The following ZMYND11 variants were observed in gnomAD, a reference collection of about 807,000 sequenced individuals.
The protein encoded by ZMYND11 is zinc finger MYND-type containing 11.
Under a neutral mutation model 84.9 loss-of-function variants are expected in ZMYND11, and 9 were observed. The ratio of observed to expected loss-of-function variants is 0.11; its 90% CI spans 0.06 to 0.18. ZMYND11 has a LOEUF of 0.18. Among genes scored for constraint, ZMYND11 ranks in the 10% least tolerant of loss-of-function variants. The pLI is 1.00. For missense variants in ZMYND11, 409 were observed against 761.0 expected (o/e 0.54, Z 5.44); for synonymous variants, 250 against 244.1 (o/e 1.02, Z -0.23).
chr10:248,454 G>A lies in ZMYND11; in HGVS notation c.1346G>A (p.Arg449Lys), dbSNP rs1026875942. 2 of 1,614,088 alleles carry A rather than the reference G, an allele frequency of 1.2e-6. No homozygotes were observed. Among genetic ancestry groups the A allele is most frequent in the African/African-American group, 2.7e-5 (2 of 74,920 alleles). ...AAGAAGTTAAGTGCCTCTTCACCAA[G>A]AATGCTGCATCGGAGCACCCAGACC... ...QTKKLSASSPRMLHRSTQTTN... is the reference protein window; with the variant it reads ...QTKKLSASSPKMLHRSTQTTN... The change falls in exon 13 of 15, where the codon AGA (arginine) becomes AAA (lysine). Residue 449 changes from arginine to lysine, a missense_variant. This residue lies in a region of ZMYND11 where 141 missense variants were observed against 173.8 expected (regional missense o/e 0.81). Transcript: ENST00000381604.
intron 4 of ZMYND11, among the ~76,000 whole-genome samples, chr10:222,527 ATGTC>A (rs1220986044): frequency 2.6e-5 from 4 of 152,206 alleles, no homozygotes; most frequent in African/African-American, 9.7e-5. Flanking sequence ...GTCTACAAGA[ATGTC>A]TGTAAGAAAT....
At chr10:140,855 A>G (rs4880809) in intron 1 of ZMYND11, among the ~76,000 whole-genome samples, 104,146 of 152,152 alleles carry the variant, frequency 0.68, 35,816 homozygotes, top group East Asian at 0.83. Context: ...AATGTTGGTA[A>G]CATCTGCAAA....
At chr10:215,497 A>G (rs1946034392) in intron 3 of ZMYND11, among the ~76,000 whole-genome samples, 1 of 151,952 alleles carries the variant, frequency 6.6e-6, no homozygotes, top group Non-Finnish European at 1.5e-5. Flanking sequence ...TTGTGACTCA[A>G]GAGCAACTGC....
chr10:253,686 T>C lies in ZMYND11; in HGVS notation c.*1216T>C, dbSNP rs1399085548. The C allele has an allele frequency of 6.5e-6, 1 of 152,672 alleles. No individual in the cohort carries two copies. Among genetic ancestry groups the C allele is most frequent in the Non-Finnish European group, 1.5e-5 (1 of 68,040 alleles). The allele number at this position is 152,672 out of a possible 1,614,324, so 9.5% of individuals were successfully genotyped here. On this transcript the variant is annotated 3_prime_UTR_variant, in exon 15 of 15. Coordinates refer to ENST00000381604, the MANE Select transcript of ZMYND11 (RefSeq NM_001370100.5). Reference sequence around the variant, plus strand: ...TTAAAATATCTCACAATTTATGTGGTATTTTTAAAGACTGATCTTAGACCA... The same window carrying C: ...TTAAAATATCTCACAATTTATGTGGCATTTTTAAAGACTGATCTTAGACCA...
At chr10:235,009 T>TGA (rs1554786733) in intron 4 of ZMYND11, among the ~76,000 whole-genome samples, 3 of 151,552 alleles carry the variant, frequency 2.0e-5, no homozygotes, top group African/African-American at 7.3e-5. Flanking sequence ...TGTGTGTGTG[T>TGA]GAAAAGCACT....
rs558585931 is a variant in ZMYND11 at position 156,865 on chromosome 10, ATTAC to A, written c.-20+21311_-20+21314del. Among the ~76,000 whole-genome samples, 846 of 152,294 alleles carry A rather than the reference ATTAC, an allele frequency of 5.6e-3. 5 individuals carry two copies. Among genetic ancestry groups the A allele is most frequent in the Non-Finnish European group, 9.7e-3 (662 of 68,026 alleles). ...AAATACAAACAAAAAATACCTTTCT[ATTAC>A]TTACCTATTTTCAATGATCTAGGCA... is the stretch of plus-strand genomic sequence containing the variant. On this transcript the variant is annotated intron_variant, in intron 1 of 14. Coordinates refer to ENST00000381604, the MANE Select transcript of ZMYND11 (RefSeq NM_001370100.5).
intron 4 of ZMYND11, among the ~76,000 whole-genome samples, chr10:224,549 T>TA (rs940974008): frequency 6.6e-6 from 1 of 152,236 alleles, no homozygotes; most frequent in African/African-American, 2.4e-5. Context: ...AAATTTGCTA[T>TA]AAAAAATTCA....
intron 1 of ZMYND11, among the ~76,000 whole-genome samples, chr10:144,153 TTCTC>T (rs1385423012): frequency 2.6e-5 from 4 of 152,200 alleles, no homozygotes; most frequent in Non-Finnish European, 4.4e-5. Context: ...AAGTTAGACT[TTCTC>T]TCTGCTCATG....
chr10:242,423 C>G (rs931142101), intron 10 of ZMYND11, among the ~76,000 whole-genome samples: 3 of 152,098 alleles, frequency 2.0e-5, no homozygotes, highest in African/African-American at 7.2e-5. Flanking sequence ...CAGAATGTGT[C>G]CATTCCATAA....
chr10:145,530 T>G (rs1838615083), intron 1 of ZMYND11, among the ~76,000 whole-genome samples: 1 of 152,192 alleles, frequency 6.6e-6, no homozygotes. Flanking sequence ...GTAAGCATTC[T>G]CTTTTCTCCG....
upstream of ZMYND11, among the ~76,000 whole-genome samples, chr10:130,987 T>C (rs1039953595): frequency 6.6e-4 from 101 of 152,060 alleles, no homozygotes; most frequent in African/African-American, 2.3e-3. Flanking sequence ...CACGGTGGCA[T>C]GCACCTGTGG....
At chr10:218,033 C>T (rs752420277) in intron 3 of ZMYND11, among the ~76,000 whole-genome samples, 14 of 152,170 alleles carry the variant, frequency 9.2e-5, no homozygotes, top group East Asian at 1.9e-4. Context: ...TCATCATTTC[C>T]GATTTTTAGA....
intron 1 of ZMYND11, among the ~76,000 whole-genome samples, chr10:156,198 C>T (rs1362132342): frequency 2.0e-5 from 3 of 152,180 alleles, no homozygotes; most frequent in African/African-American, 7.2e-5. Context: ...AACCAAGAAC[C>T]ATTGGCCTCA....
chr10:153,006 A>G (rs1554757569), intron 1 of ZMYND11, among the ~76,000 whole-genome samples: 1 of 152,246 alleles, frequency 6.6e-6, no homozygotes, highest in Non-Finnish European at 1.5e-5. Context: ...TCATTCCTTT[A>G]TTAAGCAAGA....
At chr10:243,551 T>C (rs989240594) in intron 10 of ZMYND11, among the ~76,000 whole-genome samples, 1 of 152,204 alleles carries the variant, frequency 6.6e-6, no homozygotes, top group African/African-American at 2.4e-5. Context: ...CAGTATACTA[T>C]GCAGAAAATA....
In ZMYND11 at chr10:252,559, G is replaced by T; in HGVS notation, c.*89G>T. 1.3e-6 allele frequency: 2 copies of T among 1,503,988 alleles called. No individual in the cohort carries two copies. The highest frequency in any genetic ancestry group is 2.1e-5 in the Admixed American group (1 of 47,628). 93.2% of individuals were successfully genotyped at this position (1,503,988 alleles called of 1,614,324 possible). On this transcript the variant is annotated 3_prime_UTR_variant, in exon 15 of 15. Coordinates refer to ENST00000381604, the MANE Select transcript of ZMYND11 (RefSeq NM_001370100.5). This position sits in a 1 kb window ranked among gnomAD's most constrained non-coding sequence, Gnocchi z 4.6. The stretch of plus-strand genomic sequence containing the variant: ...AAGAAGCCAAAATTGTTTAGAATTT[G>T]CTTCCCATTTTGCACCAGCCTTTAA...
chr10:182,092 T>G (rs763955117), intron 2 of ZMYND11, among the ~76,000 whole-genome samples: 10 of 152,238 alleles, frequency 6.6e-5, no homozygotes, highest in Non-Finnish European at 1.3e-4. Context: ...TTTGTTCATC[T>G]GTAGCATGTT....
At chr10:230,472 CAAAAAAAAAAAAAAAAA>C (rs59145964) in intron 4 of ZMYND11, among the ~76,000 whole-genome samples, 2 of 52,708 alleles carry the variant, frequency 3.8e-5, no homozygotes, top group Admixed American at 2.8e-4. Context: ...GACTCAGTCT[CAAAAAAAAAAAAAAAAA>C]AAAAAAAAAA....
chr10:165,181 C>G (rs181312050), intron 1 of ZMYND11, among the ~76,000 whole-genome samples: 1 of 152,176 alleles, frequency 6.6e-6, no homozygotes, highest in Admixed American at 6.6e-5. Context: ...ACAGCTCTTG[C>G]CAAAGTCACC....
Sources: gnomAD v4.1 joint callset for allele counts (sites outside exome capture counted in the v4.1 genomes callset) on GRCh38, gnomAD v4.1.1 for gene constraint, gnomAD v4.1.1 regional missense constraint, Gnocchi (gnomAD v3.1) non-coding constraint, MANE v1.5 for transcripts, NCBI Gene and HGNC (gene_info 2026-07-23, HGNC 2026-07-21) for gene names.